Variants in TENM3 observed in about 807,000 individuals in gnomAD.
TENM3 encodes the protein teneurin-3.
A neutral mutation model predicts 255.1 loss-of-function variants in TENM3; 63 were observed. The ratio of observed to expected loss-of-function variants is 0.25; its 90% confidence interval spans 0.20 to 0.30. TENM3 has a LOEUF of 0.30. Ranked by LOEUF, TENM3 falls within the 10% of genes least tolerant of loss-of-function variation. The probability of loss-of-function intolerance (pLI) is 1.00; values close to 1 mark genes in which losing one functional copy is unlikely to be tolerated. For missense variants in TENM3, 2,929 were observed against 3,461.1 expected (o/e 0.85, Z 3.86); for synonymous variants, 1,306 against 1,322.3 (o/e 0.99, Z 0.27).
chr4:181,461,314 T>C, the TENM3 span, among the ~76,000 whole-genome samples: 1 of 152,156 alleles, frequency 6.6e-6, no homozygotes, highest in Non-Finnish European at 1.5e-5. Context: ...CTTTTCTCTT[T>C]ATCGTTGCTA....
chr4:182,228,379 T>TGTGTGTG lies in TENM3; in HGVS notation c.-76+83626_-76+83632dup, dbSNP rs1463987056. Among the ~76,000 whole-genome samples the TGTGTGTG allele has an allele frequency of 1.4e-5, 2 of 139,300 alleles. 1 individual carries two copies. The highest frequency in any genetic ancestry group is 5.2e-5 in the African/African-American group (2 of 38,452). The allele number at this position is 139,300 out of a possible 152,430, so 91.4% of individuals were successfully genotyped here. A position where few individuals can be genotyped will look rare whatever the true frequency, so the allele number is the denominator to read the frequency against. ...TGTAATGTGTGTGTGTGTGTGTGTG[T>TGTGTGTG]GTGTGTGTGTGTGTATATGTAATCC... On this transcript the variant is annotated intron_variant, in intron 1 of 2. Transcript: ENST00000512480.
upstream of TENM3, chr4:182,144,460 G>T (rs1749745990): frequency 6.6e-6 from 1 of 151,910 alleles, no homozygotes; most frequent in African/African-American, 2.4e-5. Flanking sequence ...GCCGGCGGGC[G>T]GGGAGAGGGG....
At chr4:181,643,627 T>C in the TENM3 span, among the ~76,000 whole-genome samples, 1 of 152,104 alleles carries the variant, frequency 6.6e-6, no homozygotes, top group South Asian at 2.1e-4. Flanking sequence ...ACAGACAAGA[T>C]CTACACCAGT....
At chr4:181,893,348 AT>A in the TENM3 span, among the ~76,000 whole-genome samples, 7 of 152,246 alleles carry the variant, frequency 4.6e-5, no homozygotes, top group South Asian at 1.5e-3. Context: ...GCCCACTAAA[AT>A]TATAAACCTA....
intron 1 of TENM3, among the ~76,000 whole-genome samples, chr4:182,271,517 A>C (rs1258604731): frequency 1.3e-5 from 2 of 152,166 alleles, no homozygotes; most frequent in Non-Finnish European, 2.9e-5. Context: ...GAAGAAGGGG[A>C]CATGTCCTTG....
At chr4:182,027,755 G>T in the TENM3 span, among the ~76,000 whole-genome samples, 1 of 151,842 alleles carries the variant, frequency 6.6e-6, no homozygotes, top group Non-Finnish European at 1.5e-5. Flanking sequence ...TTGTCAATAT[G>T]ATGTATCACA....
In TENM3 at chr4:182,789,514, T is replaced by A; in HGVS notation, c.5601+125T>A. The A allele has an allele frequency of 1.1e-6, 1 of 935,210 alleles. No homozygotes were observed. The highest frequency in any genetic ancestry group is 1.6e-6 in the Non-Finnish European group (1 of 631,310). 57.9% of individuals were successfully genotyped at this position (935,210 alleles called of 1,614,324 possible). A position where few individuals can be genotyped will look rare whatever the true frequency, so the allele number is the denominator to read the frequency against. ...TGAGTTCCATTTGTTATTCGAAGTA[T>A]CAATACGGAAGTCACATTGGCACAG... On this transcript the variant is annotated intron_variant, in intron 25 of 27. Coordinates refer to ENST00000511685, the MANE Select transcript of TENM3 (RefSeq NM_001080477.4). The surrounding 1 kb of genome is among the most constrained non-coding windows in gnomAD (Gnocchi z 4.4).
chr4:181,875,850 C>T, the TENM3 span, among the ~76,000 whole-genome samples: 1 of 151,870 alleles, frequency 6.6e-6, no homozygotes, highest in South Asian at 2.1e-4. Context: ...TTATGAAAAG[C>T]ACATAATAAC....
chr4:182,243,351 G>A (rs1235957265), upstream of TENM3: 4 of 152,534 alleles, frequency 2.6e-5, no homozygotes, highest in Admixed American at 2.0e-4. Flanking sequence ...CTGACCTCAA[G>A]TGATCCGCCC....
the TENM3 span, among the ~76,000 whole-genome samples, chr4:181,631,611 G>A: frequency 1.3e-5 from 2 of 152,176 alleles, no homozygotes; most frequent in Admixed American, 6.5e-5. Flanking sequence ...CTTTTTAAAG[G>A]CTCATCTGAT....
intron 3 of TENM3, among the ~76,000 whole-genome samples, chr4:182,515,213 A>G (rs1453649500): frequency 6.6e-6 from 1 of 152,224 alleles, no homozygotes; most frequent in East Asian, 1.9e-4. Context: ...CTGCTTTTTC[A>G]GAGAGTTTGG....
chr4:182,499,865 A>T (rs6829371), intron 3 of TENM3, among the ~76,000 whole-genome samples: 1 of 151,946 alleles, frequency 6.6e-6, no homozygotes, highest in African/African-American at 2.4e-5. Flanking sequence ...TAACATTTAC[A>T]GACTATAATA....
At chr4:181,501,097 A>G in the TENM3 span, among the ~76,000 whole-genome samples, 2 of 152,116 alleles carry the variant, frequency 1.3e-5, no homozygotes, top group Non-Finnish European at 2.9e-5. Context: ...GGGCCAATCA[A>G]AGAAAAGAAA....
chr4:182,144,193 C>G (rs1206631707), upstream of TENM3: 1 of 61,818 alleles, frequency 1.6e-5, no homozygotes, highest in Non-Finnish European at 3.1e-5. Flanking sequence ...CTCTCCCTCG[C>G]ACACTCCCGC....
At chr4:182,049,752 G>A in the TENM3 span, among the ~76,000 whole-genome samples, 7 of 152,288 alleles carry the variant, frequency 4.6e-5, no homozygotes, top group South Asian at 2.1e-4. Context: ...TCTCGGCATC[G>A]GCGACAGCTT....
intron 22 of TENM3, among the ~76,000 whole-genome samples, chr4:182,765,036 G>A (rs749000032): frequency 2.0e-5 from 3 of 152,078 alleles, no homozygotes; most frequent in Non-Finnish European, 2.9e-5. Context: ...TAGTGGACAC[G>A]GAGATACGGG....
At chr4:182,443,578 C>T (rs889293469) in intron 3 of TENM3, among the ~76,000 whole-genome samples, 6 of 152,172 alleles carry the variant, frequency 3.9e-5, no homozygotes, top group Admixed American at 3.9e-4. Flanking sequence ...CTCTCTCCTG[C>T]TCTCACCACC....
At chr4:182,570,716 C>A (rs1363325716) in intron 3 of TENM3, among the ~76,000 whole-genome samples, 6 of 152,124 alleles carry the variant, frequency 3.9e-5, no homozygotes. Context: ...CGCCTGTAGT[C>A]CAGCTACTTG....
chr4:182,680,309 C>T lies in TENM3; in HGVS notation c.1599C>T (p.Cys533=), dbSNP rs187512749. ...ATGGAGAATGCGTTTCTGGAACTTG[C>T]CATTGTTTTCCAGGATTTCTGGGTC... is the stretch of plus-strand genomic sequence containing the variant. ...HGNGECVSGT[C]HCFPGFLGPD... Residue 533 remains cysteine (C), a synonymous_variant, in exon 9 of 28, where the codon TGC becomes TGT. Coordinates refer to ENST00000511685, the MANE Select transcript of TENM3 (RefSeq NM_001080477.4). 4.5e-5 allele frequency: 72 copies of T among 1,613,660 alleles called. No homozygotes were observed. In the Admixed American group the frequency reaches 9.3e-4, roughly 21 times the overall value.
Sources: allele counts gnomAD v4.1 joint callset (sites outside exome capture counted in the v4.1 genomes callset), GRCh38; gene constraint gnomAD v4.1.1; non-coding constraint Gnocchi (gnomAD v3.1); transcripts MANE v1.5; gene names NCBI Gene and HGNC (gene_info 2026-07-23, HGNC 2026-07-21).